Variants in CRX observed in about 807,000 individuals in gnomAD.
CRX encodes cone-rod homeobox protein.
Under a neutral mutation model 13.1 loss-of-function variants are expected in CRX, and 5 were observed. That is an observed-to-expected ratio of 0.38 (90% confidence interval 0.20 to 0.80). The LOEUF is 0.80. CRX is among the 30% of genes least tolerant of loss of function. The probability of loss-of-function intolerance (pLI) is 0.43; values close to 1 mark genes in which losing one functional copy is unlikely to be tolerated. For synonymous variants in CRX, 179 were observed against 171.1 expected (o/e 1.05, Z -0.36); for missense variants, 351 against 391.8 (o/e 0.90, Z 0.88).
chr19:47,826,805 AT>A (rs1306874032), intron 1 of CRX, among the ~76,000 whole-genome samples: 2 of 152,214 alleles, frequency 1.3e-5, no homozygotes, highest in Non-Finnish European at 2.9e-5. Context: ...AGGGACAGGA[AT>A]CCAAGAGTGG....
intron 2 of CRX, among the ~76,000 whole-genome samples, chr19:47,834,967 T>C (rs1215704912): frequency 1.3e-5 from 2 of 150,536 alleles, no homozygotes; most frequent in South Asian, 2.1e-4. Context: ...GTGTGAGCCA[T>C]TGTGCCTAGG....
chr19:47,834,331 G>C, intron 1 of CRX, 78 bp from the exon 2 acceptor site: 1 of 832,536 alleles, frequency 1.2e-6, no homozygotes, highest in Non-Finnish European at 2.1e-6. Flanking sequence ...AAGGAGGCAG[G>C]ATTTGAATCG....
intron 3 of CRX, among the ~76,000 whole-genome samples, chr19:47,837,455 C>T (rs957307142): frequency 6.6e-6 from 1 of 152,202 alleles, no homozygotes; most frequent in East Asian, 1.9e-4. Context: ...GCGTGAGCCA[C>T]CGCGCCCGGC....
chr19:47,832,999 T>A lies in CRX; in HGVS notation c.-35-1410T>A, dbSNP rs564508976. Reference sequence around the variant, plus strand: ...CCTTCATCTTTGCCAACCTGATAGGTCAAAAGTGATCATGGAAGATCCACA... The same window carrying A: ...CCTTCATCTTTGCCAACCTGATAGGACAAAAGTGATCATGGAAGATCCACA... On this transcript the variant is annotated intron_variant, in intron 1 of 3. Coordinates refer to ENST00000221996, the MANE Select transcript of CRX (RefSeq NM_000554.6). 3.3e-5 allele frequency among the ~76,000 whole-genome samples: 5 copies of A among 150,048 alleles called. No homozygotes were observed. In the East Asian group the frequency reaches 9.8e-4, roughly 29 times the overall value.
Position 47,839,709 on chromosome 19 carries a change from T to C in CRX, c.642T>C (p.Tyr214=). The C allele has an allele frequency of 6.2e-7, 1 of 1,613,948 alleles. No individual in the cohort carries two copies. The highest frequency in any genetic ancestry group is 8.5e-7 in the Non-Finnish European group (1 of 1,179,980). Residue 214 remains tyrosine, a synonymous_variant, in exon 4 of 4, where the codon TAT becomes TAC. Coordinates refer to ENST00000221996, the MANE Select transcript of CRX (RefSeq NM_000554.6). This position sits in a 1 kb window ranked among gnomAD's most constrained non-coding sequence, Gnocchi z 4.6. ...SPSAYGSPSS[Y]FSGLDPYLSP... ...CCGCCTATGGGTCTCCGAGCTCCTA[T>C]TTCAGCGGCCTAGACCCCTACCTTT...
chr19:47,837,194 T>C (rs1398515421), intron 3 of CRX, among the ~76,000 whole-genome samples: 1 of 152,190 alleles, frequency 6.6e-6, no homozygotes, highest in East Asian at 1.9e-4. Context: ...TGAAATGGAG[T>C]CTCGCTCTGT....
intron 1 of CRX, among the ~76,000 whole-genome samples, chr19:47,832,105 G>GGTTTTTTTTTTT (rs1422293685): frequency 2.2e-5 from 2 of 91,988 alleles, no homozygotes; most frequent in Non-Finnish European, 4.1e-5. Flanking sequence ...GCAGCCTTAT[G>GGTTTTTTTTTTT]TTTTTTTTTT....
intron 1 of CRX, among the ~76,000 whole-genome samples, chr19:47,831,211 G>A (rs575394409): frequency 1.3e-4 from 19 of 150,016 alleles, no homozygotes; most frequent in Non-Finnish European, 1.6e-4. Context: ...GGAGGCTGAG[G>A]CAGGAGAATC....
intron 1 of CRX, among the ~76,000 whole-genome samples, chr19:47,826,366 G>A (rs1466379977): frequency 6.6e-6 from 1 of 152,162 alleles, no homozygotes; most frequent in Non-Finnish European, 1.5e-5. Context: ...CAATTTGGGA[G>A]GCTGAGGCAG....
chr19:47,825,757 T>C (rs947241957), intron 1 of CRX, among the ~76,000 whole-genome samples: 1 of 100,662 alleles, frequency 9.9e-6, no homozygotes, highest in Non-Finnish European at 2.4e-5. Flanking sequence ...CAATCTCTAC[T>C]AAAAATACAA....
At position 47,840,397 on chromosome 19, in the gene CRX, T is replaced by C; in HGVS notation, c.*430T>C. 1 of 217,420 alleles carries C rather than the reference T, an allele frequency of 4.6e-6. No individual in the cohort carries two copies. The highest frequency in any genetic ancestry group is 9.3e-6 in the Non-Finnish European group (1 of 107,046). The allele number at this position is 217,420 out of a possible 1,614,324, so 13.5% of individuals were successfully genotyped here. On this transcript the variant is annotated 3_prime_UTR_variant, in exon 4 of 4. Transcript: ENST00000221996. ...AACTTTCCACGTGGACAGAATTTTTTTTTTTGTTTTGTTTTTGTTTTGCAG... is the reference window on the plus strand; with the variant it reads ...AACTTTCCACGTGGACAGAATTTTTCTTTTTGTTTTGTTTTTGTTTTGCAG...
At chr19:47,835,620 G>GTTTTTTTTT (rs34872129) in intron 2 of CRX, among the ~76,000 whole-genome samples, 14 of 102,196 alleles carry the variant, frequency 1.4e-4, no homozygotes, top group African/African-American at 5.7e-4. Flanking sequence ...TTTAGCTCTT[G>GTTTTTTTTT]TTTTTTTTTT....
At position 47,839,252 on chromosome 19, in the gene CRX, G is replaced by A. The variant is rs759419578; in HGVS notation, c.253-68G>A. 24 of 1,537,672 alleles carry A rather than the reference G, an allele frequency of 1.6e-5. No individual in the cohort carries two copies. In the Admixed American group the frequency reaches 1.9e-4, roughly 12 times the overall value. On this transcript the variant is annotated intron_variant, in intron 3 of 3. Transcript: ENST00000221996. This position sits in a 1 kb window ranked among gnomAD's most constrained non-coding sequence, Gnocchi z 4.6. ...CTCACCAATAAGTGTCCTCATCCCC[G>A]GGCACCCTGCGGCTCTCCTGGGCCT... is the stretch of plus-strand genomic sequence containing the variant.
At chr19:47,836,004 A>G (rs961920283) in intron 2 of CRX, among the ~76,000 whole-genome samples, 13 of 149,764 alleles carry the variant, frequency 8.7e-5, no homozygotes, top group African/African-American at 2.7e-4. Context: ...TGCATAAGAA[A>G]GTTTAGAAGA....
At chr19:47,830,206 G>A (rs1163433036) in intron 1 of CRX, among the ~76,000 whole-genome samples, 1 of 151,772 alleles carries the variant, frequency 6.6e-6, no homozygotes, top group African/African-American at 2.4e-5. Flanking sequence ...CACTTTGGGA[G>A]GCTGAGGTGG....
Position 47,841,901 on chromosome 19 carries a change from GT to G in CRX, c.*1935del. 1 of 152,240 alleles carries G rather than the reference GT, an allele frequency of 6.6e-6. No homozygotes were observed. The allele number at this position is 152,240 out of a possible 1,614,324, so 9.4% of individuals were successfully genotyped here. On this transcript the variant is annotated 3_prime_UTR_variant, in exon 4 of 4. Coordinates refer to ENST00000221996, the MANE Select transcript of CRX (RefSeq NM_000554.6). ...GGAAGACAGTGGTGTGCTGGCAGAG[GT>G]CTAACAATGGGCTCTCCAAGGAAGA...
chr19:47,826,195 C>T (rs1417831072), intron 1 of CRX, among the ~76,000 whole-genome samples: 1 of 152,106 alleles, frequency 6.6e-6, no homozygotes, highest in Non-Finnish European at 1.5e-5. Flanking sequence ...GGTTAGGGGG[C>T]TGGGGGAATA....
intron 1 of CRX, 53 bp from the exon 2 acceptor site, chr19:47,834,356 C>A (rs1306726044): frequency 2.0e-6 from 2 of 1,024,502 alleles, no homozygotes; most frequent in Non-Finnish European, 3.1e-6. Context: ...CTGCACGTCA[C>A]CCCATGGTGA....
In CRX at chr19:47,839,065, G is replaced by T. The variant is rs143846446; in HGVS notation, c.253-255G>T. Among the ~76,000 whole-genome samples the T allele has an allele frequency of 6.6e-6, 1 of 152,076 alleles. No homozygotes were observed. The highest frequency in any genetic ancestry group is 1.5e-5 in the Non-Finnish European group (1 of 67,990). On this transcript the variant is annotated intron_variant, in intron 3 of 3. Coordinates refer to ENST00000221996, the MANE Select transcript of CRX (RefSeq NM_000554.6). This position sits in a 1 kb window ranked among gnomAD's most constrained non-coding sequence, Gnocchi z 4.6. ...ATGGTGTATGCATGTATAATTGTAC[G>T]TGTGCATGTTTGCATTAGACGGATG...
Sources: gnomAD v4.1 joint callset for allele counts (sites outside exome capture counted in the v4.1 genomes callset) on GRCh38, gnomAD v4.1.1 for gene constraint, Gnocchi (gnomAD v3.1) non-coding constraint, MANE v1.5 for transcripts, NCBI Gene and HGNC (gene_info 2026-07-23, HGNC 2026-07-21) for gene names.